ARK2N: variants seen among roughly 807,000 people sequenced by gnomAD.
ARK2N encodes arkadia (RNF111) N-terminal like PKA signaling regulator 2N, also known as protein ARK2N.
the ARK2N span, among the ~76,000 whole-genome samples, chr18:46,188,155 G>A: frequency 1.3e-5 from 2 of 152,254 alleles, no homozygotes; most frequent in African/African-American, 2.4e-5. Flanking sequence ...AGTAACTGAG[G>A]TAAAGAGTAA....
the ARK2N span, among the ~76,000 whole-genome samples, chr18:46,209,832 G>C: frequency 6.6e-6 from 1 of 152,124 alleles, no homozygotes; most frequent in Admixed American, 6.5e-5. Context: ...CTGACCTCGT[G>C]ATCCGCCTGC....
chr18:46,202,798 AAATT>A, the ARK2N span, among the ~76,000 whole-genome samples: 1 of 150,868 alleles, frequency 6.6e-6, no homozygotes, highest in Non-Finnish European at 1.5e-5. Context: ...AAAAAAATAA[AAATT>A]AAAAAAAAAA....
chr18:46,195,559 CTTTTTTTTTTTTTTTT>C, the ARK2N span, among the ~76,000 whole-genome samples: 19 of 72,684 alleles, frequency 2.6e-4, no homozygotes, highest in African/African-American at 4.4e-4. Flanking sequence ...CCCACATAAA[CTTTTTTTTTTTTTTTT>C]TTTTTTTTTT....
chr18:46,235,877 A>T, the ARK2N span, among the ~76,000 whole-genome samples: 1 of 148,926 alleles, frequency 6.7e-6, no homozygotes, highest in African/African-American at 2.4e-5. Flanking sequence ...TTGTGATTCA[A>T]ATTTTCTAAT....
chr18:46,177,586 G>A, the ARK2N span, among the ~76,000 whole-genome samples: 10 of 151,764 alleles, frequency 6.6e-5, 1 homozygote, highest in South Asian at 1.9e-3. Context: ...CTGCCACCAC[G>A]CCTGACTAAT....
chr18:46,214,230 T>C, the ARK2N span, among the ~76,000 whole-genome samples: 1 of 152,248 alleles, frequency 6.6e-6, no homozygotes, highest in Admixed American at 6.5e-5. Context: ...CTGCTATAGA[T>C]TGAACTATCT....
the ARK2N span, among the ~76,000 whole-genome samples, chr18:46,242,659 A>G: frequency 1.3e-5 from 2 of 152,168 alleles, no homozygotes; most frequent in Non-Finnish European, 2.9e-5. Flanking sequence ...TTTGTACTAC[A>G]TTTGTTATAT....
At chr18:46,215,873 A>C in the ARK2N span, 1 of 1,605,532 alleles carries the variant, frequency 6.2e-7, no homozygotes, top group Non-Finnish European at 8.5e-7. Context: ...TTAACTTGAA[A>C]TTCTGAAATG....
chr18:46,205,062 C>T, the ARK2N span, among the ~76,000 whole-genome samples: 2 of 152,106 alleles, frequency 1.3e-5, no homozygotes, highest in African/African-American at 4.8e-5. Context: ...AACCCACGAC[C>T]ACGCCTGGCT....
At chr18:46,204,929 CT>C in the ARK2N span, among the ~76,000 whole-genome samples, 102,246 of 145,516 alleles carry the variant, frequency 0.7, 35,527 homozygotes, top group Non-Finnish European at 0.74. Context: ...TTTCTTTTTT[CT>C]TTTTTTTTTT....
At chr18:46,230,305 T>G in the ARK2N span, among the ~76,000 whole-genome samples, 1 of 152,224 alleles carries the variant, frequency 6.6e-6, no homozygotes, top group African/African-American at 2.4e-5. Context: ...CAGTCTGTAT[T>G]CTCAAGATTA....
chr18:46,178,383 G>A, the ARK2N span, among the ~76,000 whole-genome samples: 4 of 152,254 alleles, frequency 2.6e-5, no homozygotes, highest in East Asian at 3.9e-4. Context: ...CACAATCTCC[G>A]CTCACTGCAA....
chr18:46,215,966 A>G, the ARK2N span: 40 of 1,614,050 alleles, frequency 2.5e-5, no homozygotes, highest in Non-Finnish European at 3.1e-5. Flanking sequence ...GAGACAGCCA[A>G]GGAGGAAGAT....
the ARK2N span, chr18:46,216,177 T>A: frequency 5.6e-6 from 9 of 1,614,002 alleles, no homozygotes; most frequent in Non-Finnish European, 7.6e-6. The surrounding 1 kb of genome is among the most constrained non-coding windows in gnomAD (Gnocchi z 4.3). Flanking sequence ...CCCCTTCCTC[T>A]AGTGGTCACC....
chr18:46,229,566 G>T, the ARK2N span, among the ~76,000 whole-genome samples: 2 of 151,534 alleles, frequency 1.3e-5, no homozygotes, highest in Admixed American at 1.3e-4. Context: ...GGATGGTCTC[G>T]ATCTCCTGAC....
At chr18:46,265,661 A>G in the ARK2N span, 1 of 152,470 alleles carries the variant, frequency 6.6e-6, no homozygotes, top group African/African-American at 2.4e-5. Context: ...AACTATAGAG[A>G]GACTGTGTTT....
chr18:46,240,045 C>G, the ARK2N span: 2 of 1,614,102 alleles, frequency 1.2e-6, no homozygotes, highest in Non-Finnish European at 1.7e-6. Flanking sequence ...TGTCTGACAC[C>G]AACTCTGACC....
chr18:46,178,668 C>T, the ARK2N span, among the ~76,000 whole-genome samples: 1 of 152,074 alleles, frequency 6.6e-6, no homozygotes, highest in Non-Finnish European at 1.5e-5. Flanking sequence ...TGCCTGTAAT[C>T]CCAGCACGTT....
At chr18:46,231,698 G>T in the ARK2N span, 2 of 150,540 alleles carry the variant, frequency 1.3e-5, no homozygotes, top group Admixed American at 1.3e-4. Flanking sequence ...AGAGTCTCTG[G>T]GTCTAGGTAT....
Sources: allele counts gnomAD v4.1 joint callset (sites outside exome capture counted in the v4.1 genomes callset), GRCh38; gene constraint gnomAD v4.1.1; non-coding constraint Gnocchi (gnomAD v3.1); transcripts MANE v1.5; gene names NCBI Gene and HGNC (gene_info 2026-07-23, HGNC 2026-07-21).